SYK: variants seen among roughly 807,000 people sequenced by gnomAD.
The protein encoded by SYK is tyrosine-protein kinase SYK.
In SYK, 16 loss-of-function variants were observed where a neutral mutation model predicts 77.8. The observed-to-expected ratio is 0.21, with a 90% CI of 0.14 to 0.31. SYK has a LOEUF of 0.31. Ranked by LOEUF, SYK falls within the 10% of genes least tolerant of loss-of-function variation. SYK has a pLI of 1.00. For synonymous variants in SYK, 312 were observed against 308.7 expected, an observed-to-expected ratio of 1.01 and a Z score of -0.11; for missense variants, 529 against 814.4, an observed-to-expected ratio of 0.65 and a Z score of 4.26.
Position 90,897,273 on chromosome 9 carries a change from T to G in SYK, c.*1673T>G. 1 of 230,662 alleles carries G rather than the reference T, an allele frequency of 4.3e-6. No homozygotes were observed. Among genetic ancestry groups the G allele is most frequent in the Non-Finnish European group, 8.6e-6 (1 of 116,340 alleles). 14.3% of individuals were successfully genotyped at this position (230,662 alleles called of 1,614,324 possible). A position where few individuals can be genotyped will look rare whatever the true frequency, so the allele number is the denominator to read the frequency against. On this transcript the variant is annotated 3_prime_UTR_variant, in exon 14 of 14. Transcript: ENST00000375754. ...ATAACTTGTGTTTAGAAGTTTTTGG[T>G]AGCCACGCACACTTTCTGAAATCAC...
At chr9:90,802,561 T>C (rs1209420058) in intron 1 of SYK, among the ~76,000 whole-genome samples, 1 of 152,044 alleles carries the variant, frequency 6.6e-6, no homozygotes, top group Non-Finnish European at 1.5e-5. Context: ...AGTTAAGAGT[T>C]AAGGGTGTTT....
intron 1 of SYK, among the ~76,000 whole-genome samples, chr9:90,815,629 A>G (rs1587811635): frequency 6.6e-6 from 1 of 152,286 alleles, no homozygotes; most frequent in Admixed American, 6.5e-5. Context: ...AGGCGCGATC[A>G]AGATTCTTCT....
chr9:90,888,474 T>C (rs2118976272), intron 12 of SYK, 41 bp from the exon 13 acceptor site: 2 of 1,451,398 alleles, frequency 1.4e-6, no homozygotes, highest in South Asian at 1.3e-5. Context: ...GACTAACACC[T>C]TTAAAAAAAA....
At chr9:90,812,212 C>T (rs290238) in intron 1 of SYK, among the ~76,000 whole-genome samples, 118,394 of 152,018 alleles carry the variant, frequency 0.78, 46,520 homozygotes, top group East Asian at 0.99. Flanking sequence ...GTATTTACAA[C>T]GATCAGGAGT....
At chr9:90,885,480 A>C (rs2118953959) in intron 11 of SYK, among the ~76,000 whole-genome samples, 1 of 152,310 alleles carries the variant, frequency 6.6e-6, no homozygotes, top group Admixed American at 6.5e-5. Flanking sequence ...CTATTCAGAC[A>C]AAAATAAAGA....
chr9:90,858,241 C>T (rs1201215185), intron 3 of SYK, among the ~76,000 whole-genome samples: 1 of 152,200 alleles, frequency 6.6e-6, no homozygotes, highest in Non-Finnish European at 1.5e-5. Flanking sequence ...GGCACAAGGC[C>T]TGCTCACCCC....
intron 1 of SYK, among the ~76,000 whole-genome samples, chr9:90,833,431 G>A (rs946794898): frequency 3.9e-5 from 6 of 152,206 alleles, no homozygotes; most frequent in Non-Finnish European, 7.3e-5. Flanking sequence ...AGGGAGCTGG[G>A]AGTGTTAGTG....
intron 1 of SYK, among the ~76,000 whole-genome samples, chr9:90,841,022 GT>G (rs1180707251): frequency 6.6e-6 from 1 of 152,066 alleles, no homozygotes; most frequent in East Asian, 1.9e-4. Context: ...TGCTTCATGT[GT>G]GTGTTTTGTG....
intron 9 of SYK, among the ~76,000 whole-genome samples, chr9:90,876,509 T>C (rs1474688507): frequency 1.3e-5 from 2 of 152,186 alleles, no homozygotes; most frequent in African/African-American, 2.4e-5. Flanking sequence ...TTTTAAAATA[T>C]ATGTTTGTAT....
chr9:90,852,979 C>T (rs921675593), intron 3 of SYK, among the ~76,000 whole-genome samples: 4 of 152,124 alleles, frequency 2.6e-5, no homozygotes, highest in Non-Finnish European at 4.4e-5. Context: ...ACTGGGCCTA[C>T]GCAGCATGAT....
intron 1 of SYK, among the ~76,000 whole-genome samples, chr9:90,841,101 TTGTG>T (rs1034993795): frequency 2.6e-5 from 4 of 151,430 alleles, no homozygotes; most frequent in African/African-American, 4.8e-5. Context: ...TGTATGTAGT[TTGTG>T]TGTGGTGTGT....
intron 1 of SYK, among the ~76,000 whole-genome samples, chr9:90,828,236 C>CT (rs761844516): frequency 1.3e-4 from 1 of 7,468 alleles, no homozygotes; most frequent in East Asian, 4.6e-3. Flanking sequence ...CTCACCCCCG[C>CT]CCCCCCCCCC....
chr9:90,877,010 C>T (rs1418761427), intron 9 of SYK, among the ~76,000 whole-genome samples: 1 of 152,080 alleles, frequency 6.6e-6, no homozygotes, highest in East Asian at 1.9e-4. Context: ...AGGGTTTTTG[C>T]TTGGTTGGGA....
At chr9:90,841,830 AGTT>A (rs936786907) in intron 1 of SYK, among the ~76,000 whole-genome samples, 13 of 127,330 alleles carry the variant, frequency 1.0e-4, no homozygotes, top group African/African-American at 3.5e-4. Flanking sequence ...GTGTGTATGT[AGTT>A]TGTGTGTTGT....
At position 90,895,387 on chromosome 9, in the gene SYK, G is replaced by A; in HGVS notation, c.1836-141G>A. The A allele has an allele frequency of 2.5e-6, 2 of 803,830 alleles. No individual in the cohort carries two copies. The highest frequency in any genetic ancestry group is 4.1e-5 in the Admixed American group (2 of 48,832). The allele number at this position is 803,830 out of a possible 1,614,324, so 49.8% of individuals were successfully genotyped here. On this transcript the variant is annotated intron_variant, in intron 13 of 13. Transcript: ENST00000375754. The surrounding 1 kb of genome is among the most constrained non-coding windows in gnomAD (Gnocchi z 4.4). Reference sequence around the variant, plus strand: ...GGTCACCCTGGGGTGGGGGGCACAGGGACCACGCTGTGAGCTGCAGGCCCT... The same window carrying A: ...GGTCACCCTGGGGTGGGGGGCACAGAGACCACGCTGTGAGCTGCAGGCCCT...
chr9:90,848,169 G>T (rs1408643838), intron 3 of SYK, among the ~76,000 whole-genome samples: 1 of 152,124 alleles, frequency 6.6e-6, no homozygotes, highest in Non-Finnish European at 1.5e-5. Context: ...CACGGGGCAG[G>T]GTCTGCATCC....
intron 1 of SYK, among the ~76,000 whole-genome samples, chr9:90,835,901 A>T (rs148911186): frequency 1.3e-5 from 2 of 152,172 alleles, no homozygotes; most frequent in East Asian, 3.9e-4. Flanking sequence ...GTTCACTTAT[A>T]TGCGGATTTT....
chr9:90,857,101 A>G (rs1168179383), intron 3 of SYK, among the ~76,000 whole-genome samples: 1 of 152,204 alleles, frequency 6.6e-6, no homozygotes, highest in Non-Finnish European at 1.5e-5. Context: ...TTTTTGTCCT[A>G]TACTTCAATT....
intron 1 of SYK, among the ~76,000 whole-genome samples, chr9:90,806,420 A>G (rs771965669): frequency 6.7e-6 from 1 of 149,744 alleles, no homozygotes; most frequent in South Asian, 2.1e-4. Context: ...TTTTTTGTAG[A>G]GATGGGCTCT....
Sources: allele counts gnomAD v4.1 joint callset (sites outside exome capture counted in the v4.1 genomes callset), GRCh38; gene constraint gnomAD v4.1.1; non-coding constraint Gnocchi (gnomAD v3.1); transcripts MANE v1.5; gene names NCBI Gene and HGNC (gene_info 2026-07-23, HGNC 2026-07-21).